The following PSMC6 variants were observed in gnomAD, a reference collection of about 807,000 sequenced individuals.
PSMC6 encodes proteasome 26S subunit, ATPase 6.
A neutral mutation model predicts 55.9 loss-of-function variants in PSMC6; 3 were observed. That is an observed-to-expected ratio of 0.05 (90% CI 0.02 to 0.14). PSMC6 has a LOEUF of 0.14. PSMC6 is among the 10% of genes least tolerant of loss of function. PSMC6 has a pLI of 1.00. For synonymous variants in PSMC6, 137 were observed against 155.9 expected (o/e 0.88, Z 0.90); for missense variants, 210 against 478.7 (o/e 0.44, Z 5.24).
intron 13 of PSMC6, 37 bp downstream of exon 13, chr14:52,724,073 A>G (rs749491658): frequency 4.5e-6 from 7 of 1,571,664 alleles, no homozygotes; most frequent in Non-Finnish European, 3.5e-6. Flanking sequence ...ATTGATTTTG[A>G]TTTTTAAAAT....
chr14:52,707,672 G>C, intron 1 of PSMC6: 1 of 252,778 alleles, frequency 4.0e-6, no homozygotes, highest in Non-Finnish European at 7.9e-6. Context: ...TCAAACAAGA[G>C]ATGAGACTCA....
At chr14:52,709,908 C>T (rs544762037) in intron 4 of PSMC6, 1 of 184,912 alleles carries the variant, frequency 5.4e-6, no homozygotes, top group Admixed American at 6.2e-5. Context: ...GAATACTCAG[C>T]CTGTATTTCC....
chr14:52,708,561 G>A lies in PSMC6; in HGVS notation c.205+39G>A, dbSNP rs1183148644. 3 of 1,588,518 alleles carry A rather than the reference G, an allele frequency of 1.9e-6. No individual in the cohort carries two copies. In the African/African-American group the frequency reaches 4.0e-5, roughly 21 times the overall value. ...TAGCTTATTAATTAGTAAAGAAACA[G>A]TCCACCTCTCTCTCACTTTTGAAAT... On this transcript the variant is annotated intron_variant, in intron 3 of 13. Transcript: ENST00000445930.
Position 52,723,973 on chromosome 14 carries a change from G to A in PSMC6, c.988G>A (p.Ala330Thr). ...GTATTTTTTCTAAACAGATTATGAA[G>A]CAATTGTGAAGCTTTCGGATGGCTT... ...ITKHGEIDYE[A>T]IVKLSDGFNG... Residue 330 changes from alanine (A) to threonine (T), a missense_variant, in exon 13 of 14, where the codon GCA becomes ACA. By Grantham distance (58) the Ala-to-Thr change is moderately conservative. Coordinates refer to ENST00000445930, the MANE Select transcript of PSMC6 (RefSeq NM_002806.5). 1 of 1,613,620 alleles carries A rather than the reference G, an allele frequency of 6.2e-7. No homozygotes were observed. Among genetic ancestry groups the A allele is most frequent in the Non-Finnish European group, 8.5e-7 (1 of 1,179,716 alleles).
intron 7 of PSMC6, among the ~76,000 whole-genome samples, chr14:52,714,726 C>T (rs1286553540): frequency 6.6e-6 from 1 of 151,902 alleles, no homozygotes; most frequent in East Asian, 1.9e-4. Context: ...ATGAGCCAGG[C>T]GTGGTGGCGT....
intron 3 of PSMC6, 56 bp downstream of exon 3, chr14:52,708,578 T>G: frequency 3.2e-6 from 5 of 1,568,642 alleles, no homozygotes; most frequent in Non-Finnish European, 4.4e-6. Flanking sequence ...TCTCTCTCAC[T>G]TTTGAAATGC....
At chr14:52,709,004 G>C in intron 4 of PSMC6, 188 bp downstream of exon 4, 1 of 690,746 alleles carries the variant, frequency 1.4e-6, no homozygotes, top group Non-Finnish European at 2.2e-6. Context: ...CTGGCATTCC[G>C]TACTTTCTAC....
chr14:52,708,541 TATTA>T lies in PSMC6; in HGVS notation c.205+24_205+27del. 1 of 1,606,166 alleles carries T rather than the reference TATTA, an allele frequency of 6.2e-7. No homozygotes were observed. Among genetic ancestry groups the T allele is most frequent in the South Asian group, 1.1e-5 (1 of 90,818 alleles). On this transcript the variant is annotated intron_variant, in intron 3 of 13. Coordinates refer to ENST00000445930, the MANE Select transcript of PSMC6 (RefSeq NM_002806.5). ...GAAAAATGTGAGTGATGAATTAGCTTATTAATTAGTAAAGAAACAGTCCACCTCT... is the reference window on the plus strand; with the variant it reads ...GAAAAATGTGAGTGATGAATTAGCTTATTAGTAAAGAAACAGTCCACCTCT...
chr14:52,720,222 CAAAAAAAAAAAA>C (rs34123680), intron 10 of PSMC6, among the ~76,000 whole-genome samples: 9 of 62,394 alleles, frequency 1.4e-4, no homozygotes, highest in Non-Finnish European at 2.1e-4. Flanking sequence ...AGTCTGTCTC[CAAAAAAAAAAAA>C]AAAAAAAAAA....
chr14:52,710,948 TA>T, intron 4 of PSMC6, 152 bp from the exon 5 acceptor site: 1 of 598,064 alleles, frequency 1.7e-6, no homozygotes, highest in Non-Finnish European at 3.0e-6. Context: ...ACTTATTTTA[TA>T]AGCCATTTTG....
rs749583224 is a variant in PSMC6 at position 52,727,623 on chromosome 14, T to C, written c.*6T>C. Reference sequence around the variant, plus strand: ...TGGACTACAAACCTGTGTAATTTACTGTAAGATTTTTGATGGCTGCATGAC... The same window carrying C: ...TGGACTACAAACCTGTGTAATTTACCGTAAGATTTTTGATGGCTGCATGAC... On this transcript the variant is annotated 3_prime_UTR_variant, in exon 14 of 14. Transcript: ENST00000445930. 3.8e-6 allele frequency: 6 copies of C among 1,587,356 alleles called. No individual in the cohort carries two copies. The highest frequency in any genetic ancestry group is 3.5e-6 in the Non-Finnish European group (4 of 1,158,596).
chr14:52,720,367 CAA>C (rs71444775), intron 10 of PSMC6, among the ~76,000 whole-genome samples: 30 of 41,478 alleles, frequency 7.2e-4, no homozygotes, highest in African/African-American at 1.7e-3. Flanking sequence ...AACTCTGTCT[CAA>C]AAAAAAAAAA....
At chr14:52,712,863 A>G (rs1185309100) in intron 6 of PSMC6, among the ~76,000 whole-genome samples, 1 of 152,206 alleles carries the variant, frequency 6.6e-6, no homozygotes, top group East Asian at 2.0e-4. Context: ...GCCATCCTCC[A>G]GCCTTGGCCT....
At chr14:52,712,512 C>T (rs2041784620) in intron 6 of PSMC6, among the ~76,000 whole-genome samples, 1 of 152,116 alleles carries the variant, frequency 6.6e-6, no homozygotes, top group South Asian at 2.1e-4. Context: ...CAGAAAGAAT[C>T]CCATGTATAC....
rs373579933 is a variant in PSMC6 at position 52,714,865 on chromosome 14, CAAAAAAA to C, written c.529+914_529+920del. Among the ~76,000 whole-genome samples, 190 of 67,114 alleles carry C rather than the reference CAAAAAAA, an allele frequency of 2.8e-3. 2 individuals are homozygous for C. The highest frequency in any genetic ancestry group is 0.011 in the African/African-American group (184 of 16,792). 44.0% of individuals were successfully genotyped at this position (67,114 alleles called of 152,430 possible). On this transcript the variant is annotated intron_variant, in intron 7 of 13. Transcript: ENST00000445930. ...TGGCTGACAGAGTGAGACTCCTTCTCAAAAAAAAAAAAAAAAAAAAAAATTTTTTTAT... is the reference window on the plus strand; with the variant it reads ...TGGCTGACAGAGTGAGACTCCTTCTCAAAAAAAAAAAAAAAATTTTTTTAT...
chr14:52,714,051 A>AT, intron 7 of PSMC6, 83 bp downstream of exon 7: 5 of 996,024 alleles, frequency 5.0e-6, no homozygotes, highest in South Asian at 3.3e-5. Flanking sequence ...TTTTATTTTT[A>AT]TTTTTTTGAG....
chr14:52,715,510 C>T (rs948504595), intron 7 of PSMC6, among the ~76,000 whole-genome samples: 3 of 152,030 alleles, frequency 2.0e-5, no homozygotes, highest in Non-Finnish European at 4.4e-5. Flanking sequence ...ACAACTGACA[C>T]CATCTATTGC....
chr14:52,712,405 A>G (rs1417070578), intron 6 of PSMC6, among the ~76,000 whole-genome samples: 1 of 135,138 alleles, frequency 7.4e-6, no homozygotes, highest in Non-Finnish European at 1.6e-5. Flanking sequence ...GGCAGTTCTC[A>G]CCTGTATTAA....
At chr14:52,718,763 C>A (rs1360604279) in intron 9 of PSMC6, 1 of 520,900 alleles carries the variant, frequency 1.9e-6, no homozygotes, top group East Asian at 3.3e-5. Flanking sequence ...TCCAGCCTGG[C>A]GACAGAGCGA....
Sources: gnomAD v4.1 joint callset for allele counts (sites outside exome capture counted in the v4.1 genomes callset) on GRCh38, gnomAD v4.1.1 for gene constraint, MANE v1.5 for transcripts, NCBI Gene and HGNC (gene_info 2026-07-23, HGNC 2026-07-21) for gene names.